NAALADL2: variants seen among roughly 807,000 people sequenced by gnomAD.
NAALADL2 encodes N-acetylated alpha-linked acidic dipeptidase like 2, also known as inactive N-acetylated-alpha-linked acidic dipeptidase-like protein 2.
Under a neutral mutation model 87.2 loss-of-function variants are expected in NAALADL2, and 76 were observed. That is an observed-to-expected ratio of 0.87 (90% confidence interval 0.72 to 1.05). The LOEUF (loss-of-function observed/expected upper bound fraction) is 1.05. NAALADL2 is among the 50% of genes least tolerant of loss of function. The pLI, the probability that NAALADL2 is intolerant of heterozygous loss-of-function variation, is 0.00. For synonymous variants in NAALADL2, 354 were observed against 331.0 expected (o/e 1.07, Z -0.75); for missense variants, 1,089 against 945.8 (o/e 1.15, Z -1.99).
intron 1 of NAALADL2, among the ~76,000 whole-genome samples, chr3:174,903,980 TCTATTTCTATA>T (rs1560345318): frequency 1.8e-4 from 27 of 151,538 alleles, no homozygotes; most frequent in African/African-American, 6.3e-4. Context: ...TATATCTATA[TCTATTTCTATA>T]TCTATATCTA....
chr3:175,743,505 A>C (rs1436677629), intron 12 of NAALADL2, among the ~76,000 whole-genome samples: 2 of 152,250 alleles, frequency 1.3e-5, no homozygotes, highest in Admixed American at 1.3e-4. Flanking sequence ...ACTGCATAGG[A>C]TAAAGAAAAC....
chr3:175,039,466 C>G (rs535886119), intron 1 of NAALADL2, among the ~76,000 whole-genome samples: 1 of 152,234 alleles, frequency 6.6e-6, no homozygotes, highest in South Asian at 2.1e-4. Context: ...TGCAGCTCTT[C>G]CACGTTCACT....
intron 1 of NAALADL2, among the ~76,000 whole-genome samples, chr3:174,874,063 T>C (rs1298670612): frequency 6.6e-6 from 1 of 152,024 alleles, no homozygotes; most frequent in Admixed American, 6.6e-5. Context: ...GCTGGCATAA[T>C]ACAAGCCTCC....
intron 1 of NAALADL2, among the ~76,000 whole-genome samples, chr3:174,517,859 AAATGTCATTTTAAATGACAG>A (rs1249447651): frequency 2.0e-5 from 3 of 152,140 alleles, no homozygotes; most frequent in Admixed American, 1.3e-4. Context: ...TGTCATTTTA[AAATGTCATTTTAAATGACAG>A]AATGTCATTT....
At chr3:174,898,318 C>T (rs1731866861) in intron 1 of NAALADL2, among the ~76,000 whole-genome samples, 1 of 150,552 alleles carries the variant, frequency 6.6e-6, no homozygotes, top group Non-Finnish European at 1.5e-5. Flanking sequence ...GGTTGGTTAC[C>T]AGAGATTGGG....
At chr3:175,706,734 C>A (rs1739782850) in intron 11 of NAALADL2, among the ~76,000 whole-genome samples, 1 of 152,098 alleles carries the variant, frequency 6.6e-6, no homozygotes, top group Non-Finnish European at 1.5e-5. Flanking sequence ...TTAACTCAAG[C>A]TCCTGGCCTA....
At chr3:175,802,328 T>C (rs34632260) in intron 13 of NAALADL2, among the ~76,000 whole-genome samples, 17 of 150,862 alleles carry the variant, frequency 1.1e-4, no homozygotes, top group African/African-American at 3.9e-4. Context: ...GATTTTTTTT[T>C]GGGGGGGGAC....
rs181360779 is a variant in NAALADL2, at chr3:175,064,015, G to A, written c.44-32775G>A. 2.7e-4 allele frequency among the ~76,000 whole-genome samples: 41 copies of A among 152,010 alleles called. No homozygotes were observed. The South Asian group carries it at 2.7e-3, about 10-fold the overall frequency. ...ACTTAATAGTCAAAATTCTGTGATG[G>A]GTAAAACAATGTGAAGTTCAGAAAT... On this transcript the variant is annotated intron_variant, in intron 1 of 13. Coordinates refer to ENST00000454872, the MANE Select transcript of NAALADL2 (RefSeq NM_207015.3).
chr3:174,743,760 C>T (rs944962246), intron 3 of NAALADL2, among the ~76,000 whole-genome samples: 1 of 151,740 alleles, frequency 6.6e-6, no homozygotes, highest in African/African-American at 2.4e-5. Flanking sequence ...TTTTCTACAG[C>T]CAGTAATAAT....
In NAALADL2 at chr3:175,487,427, G is replaced by A. The variant is rs533407559; in HGVS notation, c.1653+15669G>A. ...AACCTAAATGTGTATCTGGTACTTA[G>A]TGGGTTCTAAAGTAATTATTCTACA... On this transcript the variant is annotated intron_variant, in intron 9 of 13. Transcript: ENST00000454872. 1.0e-4 allele frequency: 45 copies of A among 438,320 alleles called. 1 individual carries two copies. The highest frequency in any genetic ancestry group is 9.3e-4 in the Admixed American group (37 of 39,792). The allele number at this position is 438,320 out of a possible 1,614,324, so 27.2% of individuals were successfully genotyped here.
intron 1 of NAALADL2, among the ~76,000 whole-genome samples, chr3:174,547,600 A>C (rs1199770452): frequency 6.6e-6 from 1 of 152,088 alleles, no homozygotes; most frequent in Admixed American, 6.5e-5. Context: ...CACATTCTAC[A>C]CATAAAAGTC....
At chr3:174,609,181 T>G (rs999535422) in intron 2 of NAALADL2, among the ~76,000 whole-genome samples, 1 of 152,160 alleles carries the variant, frequency 6.6e-6, no homozygotes, top group African/African-American at 2.4e-5. Flanking sequence ...ATAAGAGCTA[T>G]CTATGACAAC....
At chr3:175,402,845 G>A (rs1711567145) in intron 5 of NAALADL2, among the ~76,000 whole-genome samples, 1 of 152,090 alleles carries the variant, frequency 6.6e-6, no homozygotes, top group South Asian at 2.1e-4. Context: ...ACCAGACTTA[G>A]CACTATGCTG....
intron 2 of NAALADL2, among the ~76,000 whole-genome samples, chr3:175,104,018 C>A (rs558408398): frequency 6.6e-6 from 1 of 152,310 alleles, no homozygotes; most frequent in East Asian, 1.9e-4. Context: ...GCTTTCCTGT[C>A]CCCTTCTTTT....
rs1379433512 is a variant in NAALADL2, at chr3:175,804,204, AACTT to A, written c.*1005_*1008del. 1 of 151,536 alleles carries A rather than the reference AACTT, an allele frequency of 6.6e-6. No homozygotes were observed. The highest frequency in any genetic ancestry group is 2.4e-5 in the African/African-American group (1 of 41,420). 9.4% of individuals were successfully genotyped at this position (151,536 alleles called of 1,614,324 possible). On this transcript the variant is annotated 3_prime_UTR_variant, in exon 14 of 14. Transcript: ENST00000454872. Reference sequence around the variant, plus strand: ...TTCTATTTCTGCCTCTGACAAAAAGAACTTACTATGAAAGAAATAGTTGTTTTAT... The same window carrying A: ...TTCTATTTCTGCCTCTGACAAAAAGAACTATGAAAGAAATAGTTGTTTTAT...
chr3:174,747,098 C>T (rs1161533264), intron 3 of NAALADL2, among the ~76,000 whole-genome samples: 3 of 151,898 alleles, frequency 2.0e-5, no homozygotes, highest in East Asian at 1.9e-4. Flanking sequence ...TAAACTAAAG[C>T]GCTTCTGCAT....
intron 3 of NAALADL2, among the ~76,000 whole-genome samples, chr3:174,836,599 C>A (rs1253365194): frequency 6.6e-6 from 1 of 151,062 alleles, no homozygotes; most frequent in Non-Finnish European, 1.5e-5. Flanking sequence ...GTCCCAGCTA[C>A]TCGGGAGACC....
intron 2 of NAALADL2, among the ~76,000 whole-genome samples, chr3:174,566,533 A>C (rs75175315): frequency 0.02 from 2,996 of 151,580 alleles, 107 homozygotes; most frequent in African/African-American, 0.068. Flanking sequence ...TTTTTTAGTC[A>C]TTTCTCTTCA....
intron 2 of NAALADL2, among the ~76,000 whole-genome samples, chr3:175,168,042 A>AT (rs71624300): frequency 0.29 from 43,194 of 151,472 alleles, 6,531 homozygotes; most frequent in Non-Finnish European, 0.34. Flanking sequence ...CACTATTACA[A>AT]TTTTTTTTCC....
Sources: allele counts gnomAD v4.1 joint callset (sites outside exome capture counted in the v4.1 genomes callset), GRCh38; gene constraint gnomAD v4.1.1; transcripts MANE v1.5; gene names NCBI Gene and HGNC (gene_info 2026-07-23, HGNC 2026-07-21).